The following TYW5 variants were observed in gnomAD, a reference collection of about 807,000 sequenced individuals.
TYW5 encodes the protein tRNA-yW synthesizing protein 5, also known as tRNA wybutosine-synthesizing protein 5.
TYW5 carries 36 observed loss-of-function variants against 44.4 expected under a neutral mutation model. That is an observed-to-expected ratio of 0.81 (90% CI 0.62 to 1.07). The LOEUF (loss-of-function observed/expected upper bound fraction) is 1.07. TYW5 is among the 50% of genes least tolerant of loss of function. The probability of loss-of-function intolerance (pLI) is 0.00; values close to 1 mark genes in which losing one functional copy is unlikely to be tolerated. For missense variants in TYW5, 354 were observed against 365.7 expected, an observed-to-expected ratio of 0.97 and a Z score of 0.26; for synonymous variants, 121 against 128.1, an observed-to-expected ratio of 0.94 and a Z score of 0.37.
At chr2:199,935,768 A>G (rs1339090609) in intron 7 of TYW5, among the ~76,000 whole-genome samples, 163 bp downstream of exon 7, 2 of 119,524 alleles carry the variant, frequency 1.7e-5, no homozygotes, top group Non-Finnish European at 3.7e-5. Flanking sequence ...ACACACACAT[A>G]CACACACACG....
chr2:199,935,161 A>G (rs2105690469), intron 7 of TYW5, among the ~76,000 whole-genome samples: 1 of 152,248 alleles, frequency 6.6e-6, no homozygotes, highest in African/African-American at 2.4e-5. Context: ...TTAAAAAATA[A>G]TTTAGAAAAC....
intron 1 of TYW5, among the ~76,000 whole-genome samples, chr2:199,953,143 G>C (rs1202655325): frequency 6.6e-6 from 1 of 152,128 alleles, no homozygotes; most frequent in Admixed American, 6.5e-5. Context: ...CCAACATGGC[G>C]AAACTCCGCC....
At chr2:199,952,098 T>A (rs147237266) in intron 1 of TYW5, among the ~76,000 whole-genome samples, 148 of 152,322 alleles carry the variant, frequency 9.7e-4, no homozygotes, top group Non-Finnish European at 1.6e-3. Context: ...TTTTACATCT[T>A]AGTATACCTC....
At chr2:199,935,290 A>C (rs923820104) in intron 7 of TYW5, among the ~76,000 whole-genome samples, 12 of 151,974 alleles carry the variant, frequency 7.9e-5, no homozygotes, top group Non-Finnish European at 2.9e-5. Flanking sequence ...AATAGAGTAT[A>C]ATATTATTTT....
chr2:199,946,528 C>T (rs141387004), intron 2 of TYW5: 68 of 152,286 alleles, frequency 4.5e-4, no homozygotes, highest in African/African-American at 1.6e-3. Flanking sequence ...TTTCACCACA[C>T]AAGGTTCTTT....
At chr2:199,937,848 G>T (rs1283766722) in intron 5 of TYW5, among the ~76,000 whole-genome samples, 1 of 152,102 alleles carries the variant, frequency 6.6e-6, no homozygotes, top group Non-Finnish European at 1.5e-5. Context: ...GGTCTCAACT[G>T]AATTACAAAA....
At chr2:199,950,632 A>T (rs2077537237) in intron 1 of TYW5, among the ~76,000 whole-genome samples, 1 of 152,036 alleles carries the variant, frequency 6.6e-6, no homozygotes, top group Admixed American at 6.6e-5. Flanking sequence ...GAGTGAGTGC[A>T]TGTGGGTCTG....
At chr2:199,950,313 A>G (rs527321680) in intron 1 of TYW5, among the ~76,000 whole-genome samples, 2 of 152,200 alleles carry the variant, frequency 1.3e-5, no homozygotes, top group Non-Finnish European at 2.9e-5. Flanking sequence ...TGGGAAACCT[A>G]GTTCCCATTA....
At chr2:199,949,364 T>A (rs1249527532) in intron 1 of TYW5, among the ~76,000 whole-genome samples, 1 of 152,108 alleles carries the variant, frequency 6.6e-6, no homozygotes, top group East Asian at 1.9e-4. Flanking sequence ...TGAAACTCCA[T>A]CACACACAAA....
At chr2:199,954,419 A>G (rs1399046559) in intron 1 of TYW5, among the ~76,000 whole-genome samples, 1 of 151,148 alleles carries the variant, frequency 6.6e-6, no homozygotes, top group Non-Finnish European at 1.5e-5. Context: ...CTTTTGTAAC[A>G]CTCAGAATTG....
chr2:199,933,859 T>C (rs1405201508), intron 7 of TYW5, among the ~76,000 whole-genome samples: 1 of 152,186 alleles, frequency 6.6e-6, no homozygotes, highest in Non-Finnish European at 1.5e-5. Flanking sequence ...GCAATTATAA[T>C]CATCTTATAT....
Position 199,929,269 on chromosome 2 carries a change from T to C in TYW5, c.*3798A>G, listed in dbSNP as rs1024340603. ...AGTTAACGGGTGCAGCACACCAACA[T>C]GGCACATGTATACATATGTAACAAA... is the stretch of plus-strand genomic sequence containing the variant. On this transcript the variant is annotated 3_prime_UTR_variant, in exon 8 of 8. Transcript: ENST00000354611. Among the ~76,000 whole-genome samples the C allele has an allele frequency of 6.6e-6, 1 of 152,166 alleles. No homozygotes were observed. Among genetic ancestry groups the C allele is most frequent in the African/African-American group, 2.4e-5 (1 of 41,436 alleles).
intron 5 of TYW5, among the ~76,000 whole-genome samples, chr2:199,938,149 C>T (rs1374248574): frequency 6.6e-6 from 1 of 151,774 alleles, no homozygotes; most frequent in Non-Finnish European, 1.5e-5. Context: ...ACTGCAAGCT[C>T]TGCCTCCTGG....
intron 7 of TYW5, among the ~76,000 whole-genome samples, chr2:199,935,029 G>C (rs1174779147): frequency 6.6e-6 from 1 of 151,574 alleles, no homozygotes; most frequent in Non-Finnish European, 1.5e-5. Flanking sequence ...AAATATTTAA[G>C]TGACACAGTT....
Position 199,930,914 on chromosome 2 carries a change from G to A in TYW5, c.*2153C>T, listed in dbSNP as rs2077372172. On this transcript the variant is annotated 3_prime_UTR_variant, in exon 8 of 8. Coordinates refer to ENST00000354611, the MANE Select transcript of TYW5 (RefSeq NM_001039693.3). ...AAAAGTTCTAAGATTCAGAATTCCT[G>A]AGAAGTTGCAGCTAACATACACTGT... 6.6e-6 allele frequency: 1 copy of A among 152,112 alleles called. No individual in the cohort carries two copies. The highest frequency in any genetic ancestry group is 6.5e-5 in the Admixed American group (1 of 15,270). The allele number at this position is 152,112 out of a possible 1,614,324, so 9.4% of individuals were successfully genotyped here.
chr2:199,942,572 A>C (rs1216386601), intron 3 of TYW5: 2 of 152,222 alleles, frequency 1.3e-5, no homozygotes, highest in Non-Finnish European at 2.9e-5. Context: ...AGGGCAACTG[A>C]ATATACATGT....
chr2:199,949,945 A>G (rs1163063896), intron 1 of TYW5, among the ~76,000 whole-genome samples: 1 of 152,100 alleles, frequency 6.6e-6, no homozygotes, highest in Non-Finnish European at 1.5e-5. Flanking sequence ...AGCCCCTTCA[A>G]GATGCTTCTT....
chr2:199,955,445 G>A lies in TYW5; in HGVS notation c.26C>T (p.Pro9Leu), dbSNP rs1320862839. Residue 9 changes from proline to leucine, a missense_variant, in exon 1 of 8, where the codon CCC becomes CTC. Physicochemically the swap from Pro to Leu is moderately conservative, Grantham distance 98. Transcript: ENST00000354611. ...CTCCCGAGAAACGCCCTCCAGCCGG[G>A]GTACCGGGAGGTGCTGCCCGGCCAT... MAGQHLPV[P>L]RLEGVSREQF... The A allele has an allele frequency of 6.2e-7, 1 of 1,613,836 alleles. No homozygotes were observed. Among genetic ancestry groups the A allele is most frequent in the Non-Finnish European group, 8.5e-7 (1 of 1,179,960 alleles).
intron 4 of TYW5, among the ~76,000 whole-genome samples, chr2:199,939,881 C>T (rs2077450731): frequency 1.3e-5 from 2 of 152,104 alleles, no homozygotes. Flanking sequence ...ACTATAAACA[C>T]TAAGATTCTA....
Sources: gnomAD v4.1 joint callset for allele counts (sites outside exome capture counted in the v4.1 genomes callset) on GRCh38, gnomAD v4.1.1 for gene constraint, MANE v1.5 for transcripts, NCBI Gene and HGNC (gene_info 2026-07-23, HGNC 2026-07-21) for gene names.